TUBA1B: variants seen among roughly 807,000 people sequenced by gnomAD.
TUBA1B encodes tubulin alpha-1B chain.
In TUBA1B, 1 loss-of-function variant was observed where a neutral mutation model predicts 34.4. The observed-to-expected ratio is 0.03, with a 90% CI of 0.01 to 0.14. The LOEUF is 0.14. Among genes scored for constraint, TUBA1B ranks in the 10% least tolerant of loss-of-function variants. TUBA1B has a pLI of 1.00. For missense variants in TUBA1B, 54 were observed against 583.6 expected (o/e 0.09, Z 9.35); for synonymous variants, 197 against 212.5 (o/e 0.93, Z 0.64).
intron 1 of TUBA1B, chr12:49,130,338 C>CG: frequency 7.8e-7 from 1 of 1,289,226 alleles, no homozygotes; most frequent in Non-Finnish European, 1.0e-6. Flanking sequence ...GGACAAGGGG[C>CG]GGGGCTCTGC....
Position 49,128,657 on chromosome 12 carries a change from G to T in TUBA1B, c.657C>A (p.Ile219=). 1.9e-6 allele frequency: 3 copies of T among 1,609,132 alleles called. No homozygotes were observed. Among genetic ancestry groups the T allele is most frequent in the Non-Finnish European group, 8.5e-7 (1 of 1,177,512 alleles). Residue 219 remains isoleucine (I), a synonymous_variant, in exon 4 of 4, where the codon ATC becomes ATA. Coordinates refer to ENST00000336023, the MANE Select transcript of TUBA1B (RefSeq NM_006082.3). The surrounding 1 kb of genome is among the most constrained non-coding windows in gnomAD (Gnocchi z 8.1). The part of the protein sequence containing the change: ...IYDICRRNLD[I]ERPTYTNLNR... ...TAAGGTTAGTGTAGGTTGGGCGCTC[G>T]ATATCGAGGTTTCTACGACAGATGT... is the stretch of plus-strand genomic sequence containing the variant.
chr12:49,131,315 A>C lies in TUBA1B; in HGVS notation c.-15T>G. 4.3e-6 allele frequency: 7 copies of C among 1,610,796 alleles called. No individual in the cohort carries two copies. Among genetic ancestry groups the C allele is most frequent in the Non-Finnish European group, 3.4e-6 (4 of 1,178,666 alleles). Reference sequence around the variant, plus strand: ...TTACTCACCATAGTGGCTAGGGATTAGGAGGCGAAGGCGACAGGAGCAGAC... The same window carrying C: ...TTACTCACCATAGTGGCTAGGGATTCGGAGGCGAAGGCGACAGGAGCAGAC... On this transcript the variant is annotated 5_prime_UTR_variant, in exon 1 of 4. Transcript: ENST00000336023.
Position 49,127,796 on chromosome 12 carries a change from A to T in TUBA1B, c.*162T>A. 2 of 1,152,900 alleles carry T rather than the reference A, an allele frequency of 1.7e-6. No individual in the cohort carries two copies. The highest frequency in any genetic ancestry group is 1.2e-6 in the Non-Finnish European group (1 of 817,502). The allele number at this position is 1,152,900 out of a possible 1,614,324, so 71.4% of individuals were successfully genotyped here. On this transcript the variant is annotated 3_prime_UTR_variant, in exon 4 of 4. Coordinates refer to ENST00000336023, the MANE Select transcript of TUBA1B (RefSeq NM_006082.3). ...GGAAACAAAGCTTTTGATGTTAATGACTTTACTTTGAGATATGATGGAAAA... is the reference window on the plus strand; with the variant it reads ...GGAAACAAAGCTTTTGATGTTAATGTCTTTACTTTGAGATATGATGGAAAA...
Position 49,127,927 on chromosome 12 carries a change from G to C in TUBA1B, c.*31C>G. The C allele has an allele frequency of 6.2e-7, 1 of 1,613,936 alleles. No individual in the cohort carries two copies. The highest frequency in any genetic ancestry group is 2.2e-5 in the East Asian group (1 of 44,888). On this transcript the variant is annotated 3_prime_UTR_variant, in exon 4 of 4. Transcript: ENST00000336023. ...GCTGAAGCTGAAATTCTGGGAGCAT[G>C]ACATGCTGCAGGGCCAAAAGGAATG...
chr12:49,127,850 G>A lies in TUBA1B; in HGVS notation c.*108C>T. 2 of 1,518,360 alleles carry A rather than the reference G, an allele frequency of 1.3e-6. No individual in the cohort carries two copies. The highest frequency in any genetic ancestry group is 1.2e-5 in the South Asian group (1 of 83,010). The allele number at this position is 1,518,360 out of a possible 1,614,324, so 94.1% of individuals were successfully genotyped here. ...TTACAGGTACACATGGAAAAGACATGATCACCAAGTGAAAACAATCTAACC... is the reference window on the plus strand; with the variant it reads ...TTACAGGTACACATGGAAAAGACATAATCACCAAGTGAAAACAATCTAACC... On this transcript the variant is annotated 3_prime_UTR_variant, in exon 4 of 4. Transcript: ENST00000336023.
intron 1 of TUBA1B, chr12:49,130,336 G>C (rs374809900): frequency 2.3e-6 from 3 of 1,289,238 alleles, no homozygotes; most frequent in Non-Finnish European, 3.0e-6. Flanking sequence ...AGGGACAAGG[G>C]GCGGGGCTCT....
In TUBA1B at chr12:49,129,783, A is replaced by G. The variant is rs12301841; in HGVS notation, c.4-61T>C. ...AATCTATTGATGACTGTCAAGTGGA[A>G]CAAAATACTCATGCAATCTTTATTT... On this transcript the variant is annotated intron_variant, in intron 1 of 3. Transcript: ENST00000336023. The G allele has an allele frequency of 6.1e-3, 9,749 of 1,609,818 alleles. 515 individuals are homozygous for G. In the African/African-American group the frequency reaches 0.11, roughly 19 times the overall value.
In TUBA1B at chr12:49,129,730, A is replaced by G. The variant is rs756513093; in HGVS notation, c.4-8T>C. ...GATGGAGATGCACTCACGCTGCGGG[A>G]AGGAAAAAAGATATCACAATTTAAA... On this transcript the variant is annotated splice_region_variant and splice_polypyrimidine_tract_variant and intron_variant, in intron 1 of 3. Transcript: ENST00000336023. 68 of 1,598,714 alleles carry G rather than the reference A, an allele frequency of 4.3e-5. No individual in the cohort carries two copies. The highest frequency in any genetic ancestry group is 5.5e-5 in the Non-Finnish European group (64 of 1,172,952).
intron 1 of TUBA1B, 157 bp from the exon 2 acceptor site, chr12:49,129,879 C>A: frequency 1.6e-6 from 2 of 1,277,136 alleles, no homozygotes; most frequent in Non-Finnish European, 2.1e-6. Context: ...AGCCTAGGCT[C>A]CAGTCATCCC....
At chr12:49,129,054 G>A in intron 3 of TUBA1B, 116 bp from the exon 4 acceptor site, 1 of 1,514,986 alleles carries the variant, frequency 6.6e-7, no homozygotes. Context: ...CAAGGAATTG[G>A]CAAAACAGAC....
In TUBA1B at chr12:49,129,492, C is replaced by T; in HGVS notation, c.226+8G>A. The T allele has an allele frequency of 6.2e-7, 1 of 1,614,178 alleles. No homozygotes were observed. The highest frequency in any genetic ancestry group is 8.5e-7 in the Non-Finnish European group (1 of 1,180,024). ...TCCTGGGATCTCAGGTTACTGAGGT[C>T]AACTCACCAATGACTGTGGGTTCCA... is the stretch of plus-strand genomic sequence containing the variant. On this transcript the variant is annotated splice_region_variant and intron_variant, in intron 2 of 3. Coordinates refer to ENST00000336023, the MANE Select transcript of TUBA1B (RefSeq NM_006082.3).
In TUBA1B at chr12:49,131,322, G is replaced by A. The variant is rs1481121828; in HGVS notation, c.-22C>T. On this transcript the variant is annotated 5_prime_UTR_variant, in exon 1 of 4. Transcript: ENST00000336023. ...CCATAGTGGCTAGGGATTAGGAGGC[G>A]AAGGCGACAGGAGCAGACACCGGGT... is the stretch of plus-strand genomic sequence containing the variant. 12 of 1,610,512 alleles carry A rather than the reference G, an allele frequency of 7.5e-6. No individual in the cohort carries two copies. The highest frequency in any genetic ancestry group is 1.7e-5 in the Admixed American group (1 of 59,630).
intron 1 of TUBA1B, chr12:49,129,991 A>C: frequency 9.9e-7 from 1 of 1,013,132 alleles, no homozygotes; most frequent in Admixed American, 3.0e-5. Flanking sequence ...TGTGTTACCT[A>C]GGCTACTCAC....
intron 1 of TUBA1B, 27 bp downstream of exon 1, chr12:49,131,271 C>T (rs1418911441): frequency 6.2e-7 from 1 of 1,605,460 alleles, no homozygotes; most frequent in East Asian, 2.2e-5. Flanking sequence ...TCCCTGAAAG[C>T]AGCCGGGAGC....
intron 1 of TUBA1B, chr12:49,130,248 C>G (rs752087018): frequency 1.4e-5 from 18 of 1,288,802 alleles, no homozygotes; most frequent in Non-Finnish European, 1.8e-5. Flanking sequence ...CCACTTTAGA[C>G]TAGGTGGTCA....
At chr12:49,130,162 G>T in intron 1 of TUBA1B, 6 of 1,227,854 alleles carry the variant, frequency 4.9e-6, no homozygotes, top group Non-Finnish European at 6.3e-6. Context: ...GACCAAGACA[G>T]CTCAGTCACA....
chr12:49,129,151 G>T (rs1352700275), intron 3 of TUBA1B, 91 bp downstream of exon 3: 26 of 1,606,016 alleles, frequency 1.6e-5, no homozygotes, highest in Non-Finnish European at 3.4e-6. Flanking sequence ...ATTTTGGTAG[G>T]TGCCAAAGAA....
At chr12:49,129,073 A>G (rs1941772703) in intron 3 of TUBA1B, 135 bp from the exon 4 acceptor site, 1 of 1,524,266 alleles carries the variant, frequency 6.6e-7, no homozygotes, top group Admixed American at 2.1e-5. Context: ...ACATATCCAC[A>G]AACTGTCCAT....
At chr12:49,130,319 T>C (rs1362480151) in intron 1 of TUBA1B, 2 of 1,289,090 alleles carry the variant, frequency 1.6e-6, no homozygotes, top group Non-Finnish European at 2.0e-6. Flanking sequence ...AAGAAATGTC[T>C]GTCCGCAGGG....
Sources: allele counts gnomAD v4.1 joint callset, GRCh38; gene constraint gnomAD v4.1.1; non-coding constraint Gnocchi (gnomAD v3.1); transcripts MANE v1.5; gene names NCBI Gene and HGNC (gene_info 2026-07-23, HGNC 2026-07-21).